The following CASR variants were observed in gnomAD, a reference collection of about 807,000 sequenced individuals.
CASR encodes calcium sensing receptor.
A neutral mutation model predicts 69.1 loss-of-function variants in CASR; 23 were observed. That is an observed-to-expected ratio of 0.33 (90% CI 0.24 to 0.47). The LOEUF (loss-of-function observed/expected upper bound fraction) is 0.47. Ranked by LOEUF, CASR falls within the 20% of genes least tolerant of loss-of-function variation. The probability of loss-of-function intolerance (pLI) is 1.00; values close to 1 mark genes in which losing one functional copy is unlikely to be tolerated. For missense variants in CASR, 924 were observed against 1,356.1 expected (o/e 0.68, Z 5.00); for synonymous variants, 541 against 544.7 (o/e 0.99, Z 0.10).
chr3:122,203,644 G>A (rs1045175364), intron 1 of CASR, among the ~76,000 whole-genome samples: 1 of 152,232 alleles, frequency 6.6e-6, no homozygotes, highest in Non-Finnish European at 1.5e-5. Flanking sequence ...CTCTGGGTGA[G>A]TCAGTGAGCG....
At chr3:122,270,809 A>G (rs2107639531) in intron 4 of CASR, among the ~76,000 whole-genome samples, 1 of 152,272 alleles carries the variant, frequency 6.6e-6, no homozygotes, top group East Asian at 1.9e-4. Flanking sequence ...TGATTTTTCC[A>G]AACATTTTTC....
At chr3:122,212,705 G>A (rs746744024) in intron 1 of CASR, among the ~76,000 whole-genome samples, 9 of 150,486 alleles carry the variant, frequency 6.0e-5, no homozygotes, top group Admixed American at 1.3e-4. Context: ...GTAATGGCGC[G>A]ATCTCGGCTC....
At chr3:122,271,552 T>C (rs1268428164) in intron 4 of CASR, among the ~76,000 whole-genome samples, 1 of 152,218 alleles carries the variant, frequency 6.6e-6, no homozygotes, top group East Asian at 1.9e-4. Flanking sequence ...TAATTCATAT[T>C]TGGATTTTTA....
chr3:122,221,733 T>TC (rs1265503334), intron 1 of CASR, among the ~76,000 whole-genome samples: 3 of 152,122 alleles, frequency 2.0e-5, no homozygotes, highest in Non-Finnish European at 2.9e-5. Context: ...GTTTAAATAA[T>TC]CCCCCCATCA....
At chr3:122,267,372 A>G (rs973019012) in intron 4 of CASR, among the ~76,000 whole-genome samples, 1 of 152,246 alleles carries the variant, frequency 6.6e-6, no homozygotes, top group Non-Finnish European at 1.5e-5. Context: ...TTTTATTTAT[A>G]TACCTGCTGT....
At chr3:122,277,678 T>C (rs1461681864) in intron 5 of CASR, among the ~76,000 whole-genome samples, 2 of 152,244 alleles carry the variant, frequency 1.3e-5, no homozygotes, top group Non-Finnish European at 2.9e-5. Flanking sequence ...GGAGTCTAAA[T>C]TGATCAGCTA....
intron 1 of CASR, among the ~76,000 whole-genome samples, chr3:122,186,619 A>C (rs1330051733): frequency 6.6e-6 from 1 of 152,194 alleles, no homozygotes; most frequent in Non-Finnish European, 1.5e-5. Context: ...CTGTTAGGAA[A>C]ATAAATATTG....
chr3:122,252,409 AAAAGAAAG>A (rs1553765627), intron 1 of CASR, among the ~76,000 whole-genome samples: 3 of 6,474 alleles, frequency 4.6e-4, no homozygotes, highest in East Asian at 2.9e-3. Flanking sequence ...GAAGGAAGGA[AAAAGAAAG>A]AAAGAAAGAA....
chr3:122,239,424 A>G (rs1320402738), intron 1 of CASR, among the ~76,000 whole-genome samples: 1 of 152,208 alleles, frequency 6.6e-6, no homozygotes, highest in African/African-American at 2.4e-5. Context: ...GTAGATTTCT[A>G]AGGTTGTTGG....
intron 1 of CASR, among the ~76,000 whole-genome samples, chr3:122,201,988 A>G (rs2073958709): frequency 6.6e-6 from 1 of 151,238 alleles, no homozygotes; most frequent in Non-Finnish European, 1.5e-5. Context: ...GCAGCCAGGC[A>G]GAGACGCTCC....
rs764023058 is a variant in CASR at position 122,257,170 on chromosome 3, C to T, written c.275C>T (p.Thr92Met). 1.9e-6 allele frequency: 3 copies of T among 1,613,836 alleles called. No homozygotes were observed. The highest frequency in any genetic ancestry group is 2.5e-6 in the Non-Finnish European group (3 of 1,179,736). The stretch of plus-strand genomic sequence containing the variant: ...AGCCCAGCCCTTCTTCCCAACTTGA[C>T]GCTGGGATACAGGATATTTGACACT... The part of the protein sequence containing the change: ...NSSPALLPNL[T>M]LGYRIFDTCN... Residue 92 changes from threonine (T) to methionine (M), a missense_variant, in exon 3 of 7, where the codon ACG (threonine) becomes ATG (methionine). By Grantham distance (81) the Thr-to-Met change is moderately conservative (BLOSUM62 -1). Around this residue, in one of 8 missense-constraint regions of CASR, gnomAD observed 141 missense variants for 283.0 expected, o/e 0.50. Transcript: ENST00000639785.
At chr3:122,214,651 T>C (rs973311674) in intron 1 of CASR, among the ~76,000 whole-genome samples, 2 of 152,232 alleles carry the variant, frequency 1.3e-5, no homozygotes, top group African/African-American at 4.8e-5. Context: ...TCATTCATTT[T>C]GTACATAAAC....
chr3:122,202,344 T>C (rs2073964769), intron 1 of CASR, among the ~76,000 whole-genome samples: 1 of 151,436 alleles, frequency 6.6e-6, no homozygotes, highest in African/African-American at 2.4e-5. Flanking sequence ...GGCAGGGAGG[T>C]TGCAGTGAGC....
intron 3 of CASR, among the ~76,000 whole-genome samples, 189 bp from the exon 4 acceptor site, chr3:122,261,339 G>T (rs17250717): frequency 0.075 from 11,366 of 152,300 alleles, 595 homozygotes; most frequent in Middle Eastern, 0.16. Flanking sequence ...GTGCTTAAGT[G>T]CTCACTCTGG....
chr3:122,214,124 T>C (rs1224316392), intron 1 of CASR, among the ~76,000 whole-genome samples: 1 of 152,236 alleles, frequency 6.6e-6, no homozygotes, highest in African/African-American at 2.4e-5. Flanking sequence ...CCAGATCCTG[T>C]CATTGGCTCT....
At chr3:122,215,544 A>G (rs541926458) in intron 1 of CASR, among the ~76,000 whole-genome samples, 1 of 152,308 alleles carries the variant, frequency 6.6e-6, no homozygotes, top group South Asian at 2.1e-4. Flanking sequence ...AAAGAACACA[A>G]ATTTAAAGGT....
Position 122,284,514 on chromosome 3 carries a change from T to C in CASR, c.2560T>C (p.Phe854Leu), listed in dbSNP as rs565491972. ...CTTTGGCTTGCTGGCGTGCATCTTCTTCAACAAGATCTACATCATTCTCTT... is the reference window on the plus strand; with the variant it reads ...CTTTGGCTTGCTGGCGTGCATCTTCCTCAACAAGATCTACATCATTCTCTT... ...ASFGLLACIFFNKIYIILFKP... is the reference protein window; with the variant it reads ...ASFGLLACIFLNKIYIILFKP... Residue 854 changes from phenylalanine to leucine, a missense_variant, in exon 7 of 7, where the codon TTC becomes CTC. Physicochemically the swap from Phe to Leu is conservative, Grantham distance 22 (BLOSUM62 0). Coordinates refer to ENST00000639785, the MANE Select transcript of CASR (RefSeq NM_000388.4). The C allele has an allele frequency of 6.2e-7, 1 of 1,613,368 alleles. No homozygotes were observed. The highest frequency in any genetic ancestry group is 8.5e-7 in the Non-Finnish European group (1 of 1,179,974).
intron 4 of CASR, among the ~76,000 whole-genome samples, chr3:122,274,626 G>T (rs188376677): frequency 9.8e-4 from 150 of 152,346 alleles, no homozygotes; most frequent in African/African-American, 3.4e-3. Flanking sequence ...AAATGGCTGG[G>T]CGCAGTGGCT....
intron 1 of CASR, among the ~76,000 whole-genome samples, chr3:122,222,981 A>G (rs908682148): frequency 6.6e-6 from 1 of 152,226 alleles, no homozygotes; most frequent in African/African-American, 2.4e-5. Context: ...TGAGTAAACA[A>G]TGAAATTAAG....
Sources: allele counts gnomAD v4.1 joint callset (sites outside exome capture counted in the v4.1 genomes callset), GRCh38; gene constraint gnomAD v4.1.1; regional missense constraint gnomAD v4.1.1; transcripts MANE v1.5; gene names NCBI Gene and HGNC (gene_info 2026-07-23, HGNC 2026-07-21).